ZDHHC8: variants seen among roughly 807,000 people sequenced by gnomAD.
ZDHHC8 encodes palmitoyltransferase ZDHHC8.
Under a neutral mutation model 61.2 loss-of-function variants are expected in ZDHHC8, and 24 were observed. The observed-to-expected ratio is 0.39, with a 90% CI of 0.28 to 0.55. ZDHHC8 has a LOEUF of 0.55. Among genes scored for constraint, ZDHHC8 ranks in the 20% least tolerant of loss-of-function variants. The pLI is 0.60. For synonymous variants in ZDHHC8, 523 were observed against 492.5 expected, an observed-to-expected ratio of 1.06 and a Z score of -0.82; for missense variants, 935 against 1,102.1, an observed-to-expected ratio of 0.85 and a Z score of 2.15.
Position 20,145,625 on chromosome 22 carries a change from C to T in ZDHHC8, c.*225C>T, listed in dbSNP as rs1378476344. ...AGTCGGCTCACTGGGACAAGGGCCA[C>T]TGGGCTGGTCTGTGTCTGGGCCTGT... On this transcript the variant is annotated 3_prime_UTR_variant, in exon 11 of 11. Coordinates refer to ENST00000334554, the MANE Select transcript of ZDHHC8 (RefSeq NM_013373.4). 8.3e-7 allele frequency: 1 copy of T among 1,200,196 alleles called. No homozygotes were observed. Among genetic ancestry groups the T allele is most frequent in the Non-Finnish European group, 1.0e-6 (1 of 964,344 alleles). 74.3% of individuals were successfully genotyped at this position (1,200,196 alleles called of 1,614,324 possible). A position where few individuals can be genotyped will look rare whatever the true frequency, so the allele number is the denominator to read the frequency against.
Position 20,145,987 on chromosome 22 carries a change from C to A in ZDHHC8, c.*587C>A, listed in dbSNP as rs1182069110. 1.0e-6 allele frequency: 1 copy of A among 985,744 alleles called. No individual in the cohort carries two copies. Among genetic ancestry groups the A allele is most frequent in the African/African-American group, 1.7e-5 (1 of 57,258 alleles). 61.1% of individuals were successfully genotyped at this position (985,744 alleles called of 1,614,324 possible). A position where few individuals can be genotyped will look rare whatever the true frequency, so the allele number is the denominator to read the frequency against. Reference sequence around the variant, plus strand: ...TGGTGGTGGATAGGTGGACAGACGGCCAGCCAGCCAGCTGTGGCCGGGGGC... The same window carrying A: ...TGGTGGTGGATAGGTGGACAGACGGACAGCCAGCCAGCTGTGGCCGGGGGC... On this transcript the variant is annotated 3_prime_UTR_variant, in exon 11 of 11. Coordinates refer to ENST00000334554, the MANE Select transcript of ZDHHC8 (RefSeq NM_013373.4).
intron 1 of ZDHHC8, among the ~76,000 whole-genome samples, chr22:20,138,040 T>C (rs1448993720): frequency 6.6e-6 from 1 of 152,218 alleles, no homozygotes; most frequent in East Asian, 1.9e-4. Context: ...CCACTAAAAA[T>C]AGTGAAGCTC....
rs370643674 is a variant in ZDHHC8 at position 20,139,233 on chromosome 22, C to G, written c.144C>G (p.Pro48=). The change falls in exon 2 of 11, where the codon CCC becomes CCG. Residue 48 remains proline (P), a synonymous_variant. Coordinates refer to ENST00000334554, the MANE Select transcript of ZDHHC8 (RefSeq NM_013373.4). ...CACGAGCTGTGTCCCCAGCTGTTCC[C>G]GTCTACAATGGCATCATCTTCCTCT... ...WLTRAVSPAV[P]VYNGIIFLFV... is the part of the protein sequence containing the mutation. 371 of 1,613,848 alleles carry G rather than the reference C, an allele frequency of 2.3e-4. No homozygotes were observed. The highest frequency in any genetic ancestry group is 3.0e-4 in the Non-Finnish European group (350 of 1,180,000).
Position 20,145,514 on chromosome 22 carries a change from T to C in ZDHHC8, c.*114T>C. 1 of 1,333,440 alleles carries C rather than the reference T, an allele frequency of 7.5e-7. No homozygotes were observed. The highest frequency in any genetic ancestry group is 9.6e-7 in the Non-Finnish European group (1 of 1,043,262). 82.6% of individuals were successfully genotyped at this position (1,333,440 alleles called of 1,614,324 possible). ...GACCCGAGGCCACCCCAGCCTGGTG[T>C]GGACCCATCGGCGGGAGAGAGTGCC... On this transcript the variant is annotated 3_prime_UTR_variant, in exon 11 of 11. Coordinates refer to ENST00000334554, the MANE Select transcript of ZDHHC8 (RefSeq NM_013373.4).
chr22:20,140,544 C>T (rs2050459044), intron 5 of ZDHHC8, 73 bp from the exon 6 acceptor site: 4 of 1,441,164 alleles, frequency 2.8e-6, no homozygotes, highest in African/African-American at 1.4e-5. Context: ...ACCCCAGCTC[C>T]CTTGCCCAGC....
rs1328620048 is a variant in ZDHHC8, at chr22:20,147,169, G to A, written c.*1769G>A. ...CCAGGCCGCCGGGGCACCCCCACGC[G>A]GGGCCATGTGCCGCCTGCACTTGGC... On this transcript the variant is annotated 3_prime_UTR_variant, in exon 11 of 11. Coordinates refer to ENST00000334554, the MANE Select transcript of ZDHHC8 (RefSeq NM_013373.4). The A allele has an allele frequency of 1.1e-5, 17 of 1,528,946 alleles. No individual in the cohort carries two copies. In the Admixed American group the frequency reaches 2.1e-4, roughly 19 times the overall value. 94.7% of individuals were successfully genotyped at this position (1,528,946 alleles called of 1,614,324 possible).
chr22:20,139,434 A>G, intron 2 of ZDHHC8, 44 bp from the exon 3 acceptor site: 17 of 1,608,034 alleles, frequency 1.1e-5, no homozygotes, highest in Non-Finnish European at 1.4e-5. Context: ...TTCACCTGCC[A>G]GGAAAGTCAA....
chr22:20,143,257 A>C lies in ZDHHC8; in HGVS notation c.1627A>C (p.Asn543His). Residue 543 changes from asparagine (N) to histidine (H), a missense_variant, in exon 10 of 11, where the codon AAC becomes CAC. Asn to His is a moderately conservative substitution (Grantham distance 68). Transcript: ENST00000334554. ...GGAGCCCTCGCCTGTGCGCTACGAC[A>C]ACCTGTCCAGGACCATCATGGCATC... ...PREPSPVRYD[N>H]LSRTIMASIQ... is the part of the protein sequence containing the mutation. 6.2e-7 allele frequency: 1 copy of C among 1,606,436 alleles called. No individual in the cohort carries two copies. Among genetic ancestry groups the C allele is most frequent in the Non-Finnish European group, 8.5e-7 (1 of 1,179,508 alleles).
chr22:20,135,291 C>T (rs2050410277), intron 1 of ZDHHC8, among the ~76,000 whole-genome samples: 1 of 151,982 alleles, frequency 6.6e-6, no homozygotes, highest in African/African-American at 2.4e-5. Flanking sequence ...CTTCAGAAGC[C>T]CTTTATACCA....
chr22:20,140,389 G>A (rs555045975), intron 5 of ZDHHC8, 172 bp downstream of exon 5: 34 of 783,036 alleles, frequency 4.3e-5, no homozygotes, highest in African/African-American at 1.0e-4. Context: ...CGTCCCCTGC[G>A]CACATCCTGC....
chr22:20,141,915 C>T (rs1365683586), intron 9 of ZDHHC8, among the ~76,000 whole-genome samples: 17 of 152,232 alleles, frequency 1.1e-4, no homozygotes, highest in Admixed American at 1.0e-3. Context: ...GTAAGGCCCA[C>T]GGGAAGACTT....
rs778078832 is a variant in ZDHHC8 at position 20,142,993 on chromosome 22, G to T, written c.1363G>T (p.Gly455Trp). Residue 455 changes from glycine (G) to tryptophan (W), a missense_variant, in exon 10 of 11, where the codon GGG becomes TGG. Physicochemically the swap from Gly to Trp is radical, Grantham distance 184 (BLOSUM62 -2). This residue lies in a region of ZDHHC8 where 692 missense variants were observed against 731.4 expected (regional missense o/e 0.95). Coordinates refer to ENST00000334554, the MANE Select transcript of ZDHHC8 (RefSeq NM_013373.4). ...GGCCCTGCAGCCCCTGCGCTCTGAG[G>T]GGGGGCCCCCCACGCCCCACCGTAG... ...HVALQPLRSE[G>W]GPPTPHRSIF... The T allele has an allele frequency of 1.2e-5, 19 of 1,606,316 alleles. No individual in the cohort carries two copies. Among genetic ancestry groups the T allele is most frequent in the Non-Finnish European group, 1.6e-5 (19 of 1,175,648 alleles).
At chr22:20,134,478 G>A (rs906840707) in intron 1 of ZDHHC8, among the ~76,000 whole-genome samples, 4 of 152,236 alleles carry the variant, frequency 2.6e-5, no homozygotes, top group East Asian at 1.9e-4. Flanking sequence ...TTGTCTACCC[G>A]TTGCCCCACC....
chr22:20,147,375 G>T lies in ZDHHC8; in HGVS notation c.*1975G>T, dbSNP rs1050082489. 6.9e-6 allele frequency: 6 copies of T among 868,932 alleles called. No individual in the cohort carries two copies. Among genetic ancestry groups the T allele is most frequent in the Non-Finnish European group, 9.8e-6 (6 of 609,568 alleles). 53.8% of individuals were successfully genotyped at this position (868,932 alleles called of 1,614,324 possible). ...CCACAGCTTGACAGATTCCCAGCCT[G>T]CCAGGGCCTGAGACCCTGTGTCCAC... On this transcript the variant is annotated 3_prime_UTR_variant, in exon 11 of 11. Coordinates refer to ENST00000334554, the MANE Select transcript of ZDHHC8 (RefSeq NM_013373.4).
rs1350697325 is a variant in ZDHHC8 at position 20,147,406 on chromosome 22, C to T, written c.*2006C>T. The T allele has an allele frequency of 6.5e-6, 4 of 618,172 alleles. No individual in the cohort carries two copies. The African/African-American group carries it at 7.8e-5, about 12-fold the overall frequency. 38.3% of individuals were successfully genotyped at this position (618,172 alleles called of 1,614,324 possible). A position where few individuals can be genotyped will look rare whatever the true frequency, so the allele number is the denominator to read the frequency against. On this transcript the variant is annotated 3_prime_UTR_variant, in exon 11 of 11. Coordinates refer to ENST00000334554, the MANE Select transcript of ZDHHC8 (RefSeq NM_013373.4). ...GCCTGAGACCCTGTGTCCACATGAC[C>T]TCAGGGAGTCCCCCACCTGCTGCAG...
At position 20,146,973 on chromosome 22, in the gene ZDHHC8, C is replaced by G. The variant is rs2050532266; in HGVS notation, c.*1573C>G. On this transcript the variant is annotated 3_prime_UTR_variant, in exon 11 of 11. Coordinates refer to ENST00000334554, the MANE Select transcript of ZDHHC8 (RefSeq NM_013373.4). ...GCGTGCGGGCTGTAGGGCCCCGAAG[C>G]TGACCTCCACCTTTCTGCTTCTCTC... 1 of 1,377,944 alleles carries G rather than the reference C, an allele frequency of 7.3e-7. No individual in the cohort carries two copies. The highest frequency in any genetic ancestry group is 1.5e-5 in the African/African-American group (1 of 65,120). 85.4% of individuals were successfully genotyped at this position (1,377,944 alleles called of 1,614,324 possible). A position where few individuals can be genotyped will look rare whatever the true frequency, so the allele number is the denominator to read the frequency against.
At position 20,139,599 on chromosome 22, in the gene ZDHHC8, C is replaced by G. The variant is rs1407840534; in HGVS notation, c.348C>G (p.Arg116=). 2 of 1,613,194 alleles carry G rather than the reference C, an allele frequency of 1.2e-6. No individual in the cohort carries two copies. Among genetic ancestry groups the G allele is most frequent in the South Asian group, 2.2e-5 (2 of 91,090 alleles). Residue 116 remains arginine, a synonymous_variant, in exon 3 of 11, where the codon CGC becomes CGG. Transcript: ENST00000334554. ...CATCHFYRPP[R]CSHCSVCDNC... ...CGTGCCACTTCTACCGCCCGCCGCG[C>G]TGCTCCCACTGCAGCGTCTGTGACA...
chr22:20,143,180 C>G lies in ZDHHC8; in HGVS notation c.1550C>G (p.Pro517Arg), dbSNP rs149448003. 2.5e-6 allele frequency: 4 copies of G among 1,610,162 alleles called. No homozygotes were observed. The African/African-American group carries it at 5.3e-5, about 21-fold the overall frequency. ...CTGCATCCTGGGGCAACGGGCGACC[C>G]GCCACGGCCCCTACCCCGCAGCTTC... ...PYLHPGATGD[P>R]PRPLPRSFSP... The change falls in exon 10 of 11, where the codon CCG becomes CGG. Residue 517 changes from proline to arginine, a missense_variant. Pro to Arg is a moderately radical substitution (Grantham distance 103, BLOSUM62 -2). Coordinates refer to ENST00000334554, the MANE Select transcript of ZDHHC8 (RefSeq NM_013373.4).
chr22:20,135,842 C>G (rs550195313), intron 1 of ZDHHC8, among the ~76,000 whole-genome samples: 1 of 152,266 alleles, frequency 6.6e-6, no homozygotes, highest in Non-Finnish European at 1.5e-5. Flanking sequence ...TCTGCCCCGC[C>G]GGTCCCGAGC....
Sources: allele counts gnomAD v4.1 joint callset (sites outside exome capture counted in the v4.1 genomes callset), GRCh38; gene constraint gnomAD v4.1.1; regional missense constraint gnomAD v4.1.1; transcripts MANE v1.5; gene names NCBI Gene and HGNC (gene_info 2026-07-23, HGNC 2026-07-21).